TIAL1: variants seen among roughly 807,000 people sequenced by gnomAD.
TIAL1 encodes the protein nucleolysin TIAR.
In TIAL1, 7 loss-of-function variants were observed where a neutral mutation model predicts 59.7. The observed-to-expected ratio is 0.12, with a 90% CI of 0.07 to 0.22. The LOEUF (loss-of-function observed/expected upper bound fraction) is 0.22. Ranked by LOEUF, TIAL1 falls within the 10% of genes least tolerant of loss-of-function variation. TIAL1 has a pLI of 1.00. For missense variants in TIAL1, 225 were observed against 462.5 expected (o/e 0.49, Z 4.71); for synonymous variants, 149 against 146.3 (o/e 1.02, Z -0.13).
chr10:119,590,689 G>A (rs962886495), intron 1 of TIAL1, among the ~76,000 whole-genome samples: 1 of 151,430 alleles, frequency 6.6e-6, no homozygotes, highest in Non-Finnish European at 1.5e-5. Context: ...CAACCTGGGC[G>A]ACAGAGTGAG....
Position 119,582,379 on chromosome 10 carries a change from A to C in TIAL1, c.228+80T>G. 6.6e-7 allele frequency: 1 copy of C among 1,513,446 alleles called. No individual in the cohort carries two copies. The highest frequency in any genetic ancestry group is 8.8e-7 in the Non-Finnish European group (1 of 1,134,802). The allele number at this position is 1,513,446 out of a possible 1,614,324, so 93.8% of individuals were successfully genotyped here. ...ACTCAGCAGCCGAATATCTGCTCAAAAATTTGCCTAGAAAGAATACAAACT... is the reference window on the plus strand; with the variant it reads ...ACTCAGCAGCCGAATATCTGCTCAACAATTTGCCTAGAAAGAATACAAACT... On this transcript the variant is annotated intron_variant, in intron 3 of 11. Transcript: ENST00000436547. The surrounding 1 kb of genome is among the most constrained non-coding windows in gnomAD (Gnocchi z 5.1).
chr10:119,575,550 C>G lies in TIAL1; in HGVS notation c.*115G>C, dbSNP rs1844943315. On this transcript the variant is annotated 3_prime_UTR_variant, in exon 12 of 12. Coordinates refer to ENST00000436547, the MANE Select transcript of TIAL1 (RefSeq NM_003252.4). Reference sequence around the variant, plus strand: ...GCAAATCTGTGCTAAAGGTTCCAAACATTTCAATTTTTAAAATAAATATTT... The same window carrying G: ...GCAAATCTGTGCTAAAGGTTCCAAAGATTTCAATTTTTAAAATAAATATTT... 2 of 1,434,120 alleles carry G rather than the reference C, an allele frequency of 1.4e-6. No homozygotes were observed. Among genetic ancestry groups the G allele is most frequent in the Admixed American group, 1.8e-5 (1 of 54,590 alleles). 88.8% of individuals were successfully genotyped at this position (1,434,120 alleles called of 1,614,324 possible).
chr10:119,577,369 A>G (rs887853921), intron 9 of TIAL1, 82 bp downstream of exon 9: 12 of 1,462,802 alleles, frequency 8.2e-6, no homozygotes, highest in Non-Finnish European at 1.1e-5. Context: ...CTAAAATAAC[A>G]AACACTGATA....
At chr10:119,585,746 C>T (rs560407238) in intron 2 of TIAL1, among the ~76,000 whole-genome samples, 1 of 152,192 alleles carries the variant, frequency 6.6e-6, no homozygotes, top group Non-Finnish European at 1.5e-5. Flanking sequence ...CCTAAACCTA[C>T]TTCTGTCAGC....
At chr10:119,583,414 T>C (rs1845391353) in intron 2 of TIAL1, among the ~76,000 whole-genome samples, 2 of 152,162 alleles carry the variant, frequency 1.3e-5, no homozygotes, top group East Asian at 1.9e-4. Context: ...GTGAAGAAAG[T>C]AGTACTACCT....
At chr10:119,583,692 A>G (rs1845403735) in intron 2 of TIAL1, among the ~76,000 whole-genome samples, 1 of 152,338 alleles carries the variant, frequency 6.6e-6, no homozygotes, top group Admixed American at 6.5e-5. Context: ...TTTAGAAGAA[A>G]AATCCAAAAT....
chr10:119,583,199 C>A (rs1845380891), intron 2 of TIAL1, among the ~76,000 whole-genome samples: 1 of 152,108 alleles, frequency 6.6e-6, no homozygotes. Context: ...ACTGAAGATT[C>A]TATATACTTT....
At chr10:119,584,379 A>G (rs1229571015) in intron 2 of TIAL1, among the ~76,000 whole-genome samples, 3 of 151,326 alleles carry the variant, frequency 2.0e-5, no homozygotes, top group Non-Finnish European at 3.0e-5. Flanking sequence ...AACAACATCT[A>G]AAGTAAAAAA....
intron 1 of TIAL1, among the ~76,000 whole-genome samples, chr10:119,590,449 C>T (rs191279899): frequency 6.6e-6 from 1 of 152,246 alleles, no homozygotes; most frequent in Admixed American, 6.5e-5. Flanking sequence ...TGGTGGCTCA[C>T]GCCTGTAATC....
intron 10 of TIAL1, 93 bp downstream of exon 10, chr10:119,576,987 C>G (rs1845024258): frequency 2.0e-6 from 3 of 1,494,668 alleles, no homozygotes; most frequent in African/African-American, 1.4e-5. Flanking sequence ...TAGCTATATG[C>G]TTTATTTTAT....
In TIAL1 at chr10:119,575,655, G is replaced by C. The variant is rs1564731061; in HGVS notation, c.*10C>G. 1 of 1,612,428 alleles carries C rather than the reference G, an allele frequency of 6.2e-7. No homozygotes were observed. Among genetic ancestry groups the C allele is most frequent in the Non-Finnish European group, 8.5e-7 (1 of 1,179,388 alleles). ...TATCATGAATTACAATTTTTTTTTAGAGTCCCGGCTCACTGTGTTTGGTAA... is the reference window on the plus strand; with the variant it reads ...TATCATGAATTACAATTTTTTTTTACAGTCCCGGCTCACTGTGTTTGGTAA... On this transcript the variant is annotated 3_prime_UTR_variant, in exon 12 of 12. Coordinates refer to ENST00000436547, the MANE Select transcript of TIAL1 (RefSeq NM_003252.4).
Position 119,574,626 on chromosome 10 carries a change from T to G in TIAL1, c.*1039A>C, listed in dbSNP as rs1345567480. On this transcript the variant is annotated 3_prime_UTR_variant, in exon 12 of 12. Transcript: ENST00000436547. Reference sequence around the variant, plus strand: ...AAAAAAACAAAAACAAAAAACTAATTCCCAATGACATTTTAGAACATACTA... The same window carrying G: ...AAAAAAACAAAAACAAAAAACTAATGCCCAATGACATTTTAGAACATACTA... The G allele has an allele frequency of 7.1e-6, 1 of 141,648 alleles. No individual in the cohort carries two copies. The highest frequency in any genetic ancestry group is 7.1e-5 in the Admixed American group (1 of 14,022). 8.8% of individuals were successfully genotyped at this position (141,648 alleles called of 1,614,324 possible).
At position 119,582,427 on chromosome 10, in the gene TIAL1, A is replaced by G; in HGVS notation, c.228+32T>C. 6.4e-7 allele frequency: 1 copy of G among 1,560,900 alleles called. No homozygotes were observed. Reference sequence around the variant, plus strand: ...ACTAGTTTGACATGCAAATATATGTACTCATAAGGTGCCATCATCCTATTA... The same window carrying G: ...ACTAGTTTGACATGCAAATATATGTGCTCATAAGGTGCCATCATCCTATTA... On this transcript the variant is annotated intron_variant, in intron 3 of 11. Transcript: ENST00000436547. The surrounding 1 kb of genome is among the most constrained non-coding windows in gnomAD (Gnocchi z 5.1).
At chr10:119,580,271 T>G in intron 5 of TIAL1, 1 of 402,452 alleles carries the variant, frequency 2.5e-6, no homozygotes, top group Non-Finnish European at 4.3e-6. Flanking sequence ...TGAAGATTAA[T>G]AGGAACAACA....
In TIAL1 at chr10:119,574,645, C is replaced by G. The variant is rs575591782; in HGVS notation, c.*1020G>C. On this transcript the variant is annotated 3_prime_UTR_variant, in exon 12 of 12. Coordinates refer to ENST00000436547, the MANE Select transcript of TIAL1 (RefSeq NM_003252.4). ...ACTAATTCCCAATGACATTTTAGAA[C>G]ATACTAATGCATCAAAGATTGTATG... 2 of 112,922 alleles carry G rather than the reference C, an allele frequency of 1.8e-5. No homozygotes were observed. Among genetic ancestry groups the G allele is most frequent in the African/African-American group, 6.4e-5 (2 of 31,100 alleles). 7.0% of individuals were successfully genotyped at this position (112,922 alleles called of 1,614,324 possible).
At chr10:119,586,504 C>T (rs1390410258) in intron 2 of TIAL1, among the ~76,000 whole-genome samples, 1 of 152,208 alleles carries the variant, frequency 6.6e-6, no homozygotes, top group Non-Finnish European at 1.5e-5. Flanking sequence ...TTGCCCGCTA[C>T]AATCTATTCT....
intron 6 of TIAL1, among the ~76,000 whole-genome samples, chr10:119,579,331 C>CT (rs1160214417): frequency 3.3e-5 from 5 of 151,948 alleles, no homozygotes; most frequent in African/African-American, 1.2e-4. Flanking sequence ...GAGCGAGACT[C>CT]TATCTCAAAA....
At position 119,596,661 on chromosome 10, in the gene TIAL1, A is replaced by G; in HGVS notation, c.-196T>C. 1.7e-6 allele frequency: 1 copy of G among 594,896 alleles called. No homozygotes were observed. The highest frequency in any genetic ancestry group is 3.0e-6 in the Non-Finnish European group (1 of 335,254). 36.9% of individuals were successfully genotyped at this position (594,896 alleles called of 1,614,324 possible). On this transcript the variant is annotated 5_prime_UTR_variant, in exon 1 of 12. Transcript: ENST00000436547. ...AACCAGGAGGAGCAGGAGGAGGAGG[A>G]GGATGAACAAAATGGCCGCCGCCAC...
intron 2 of TIAL1, among the ~76,000 whole-genome samples, chr10:119,585,451 T>TA (rs11338069): frequency 0.031 from 4,270 of 138,402 alleles, 136 homozygotes; most frequent in South Asian, 0.11. Context: ...CCCTGTCTCT[T>TA]AAAAAAAAAA....
Sources: allele counts gnomAD v4.1 joint callset (sites outside exome capture counted in the v4.1 genomes callset), GRCh38; gene constraint gnomAD v4.1.1; non-coding constraint Gnocchi (gnomAD v3.1); transcripts MANE v1.5; gene names NCBI Gene and HGNC (gene_info 2026-07-23, HGNC 2026-07-21).